The following SORBS2 variants were observed in gnomAD, a reference collection of about 807,000 sequenced individuals.
The protein encoded by SORBS2 is sorbin and SH3 domain-containing protein 2.
SORBS2 carries 46 observed loss-of-function variants against 97.7 expected under a neutral mutation model. The ratio of observed to expected loss-of-function variants is 0.47; its 90% CI spans 0.37 to 0.60. The LOEUF (loss-of-function observed/expected upper bound fraction) is 0.60. Among genes scored for constraint, SORBS2 ranks in the 20% least tolerant of loss-of-function variants. The pLI is 0.00. For synonymous variants in SORBS2, 476 were observed against 473.4 expected (o/e 1.01, Z -0.07); for missense variants, 1,316 against 1,282.3 (o/e 1.03, Z -0.40).
chr4:185,604,513 G>A (rs996446952), intron 12 of SORBS2, among the ~76,000 whole-genome samples: 12 of 152,128 alleles, frequency 7.9e-5, no homozygotes, highest in Non-Finnish European at 1.5e-4. Flanking sequence ...TTGCTCTCCC[G>A]AAGAAAATGA....
chr4:185,692,749 T>A (rs1347545732), intron 2 of SORBS2, among the ~76,000 whole-genome samples: 8 of 152,052 alleles, frequency 5.3e-5, no homozygotes, highest in Non-Finnish European at 8.8e-5. Context: ...ATTTTATATA[T>A]AGATATATAT....
chr4:185,666,088 G>C, intron 4 of SORBS2: 1 of 1,289,824 alleles, frequency 7.8e-7, no homozygotes, highest in Non-Finnish European at 1.0e-6. Flanking sequence ...TGAGAAAGTG[G>C]CTCGGTTCAA....
chr4:185,713,398 A>T (rs769961605), intron 2 of SORBS2, among the ~76,000 whole-genome samples: 2 of 152,094 alleles, frequency 1.3e-5, no homozygotes, highest in Non-Finnish European at 2.9e-5. Context: ...ATCACCTCTC[A>T]TCTTACGTGT....
chr4:185,600,466 G>A (rs1206265589), intron 12 of SORBS2, among the ~76,000 whole-genome samples: 4 of 152,148 alleles, frequency 2.6e-5, no homozygotes, highest in African/African-American at 9.7e-5. Context: ...AGCCTCCCGA[G>A]TAGCTGGGAT....
chr4:185,752,576 C>T (rs888475953), intron 2 of SORBS2, among the ~76,000 whole-genome samples: 1 of 152,180 alleles, frequency 6.6e-6, no homozygotes, highest in Non-Finnish European at 1.5e-5. Flanking sequence ...GTGCCCAGCC[C>T]TGCAGCAGAC....
chr4:185,759,326 G>T (rs1245670865), intron 2 of SORBS2, among the ~76,000 whole-genome samples: 2 of 152,188 alleles, frequency 1.3e-5, no homozygotes, highest in Non-Finnish European at 2.9e-5. Context: ...TTGCCTCAGT[G>T]ATTCTCACAA....
At chr4:185,702,949 A>G (rs1195757939) in intron 2 of SORBS2, among the ~76,000 whole-genome samples, 4 of 152,142 alleles carry the variant, frequency 2.6e-5, no homozygotes, top group African/African-American at 9.7e-5. Flanking sequence ...GCCAATATTT[A>G]ATGACTCATT....
intron 1 of SORBS2, among the ~76,000 whole-genome samples, chr4:185,797,930 A>C (rs1416972181): frequency 3.3e-5 from 5 of 152,218 alleles, no homozygotes; most frequent in Admixed American, 1.3e-4. Flanking sequence ...TAGAAGGGTC[A>C]GTCACACTCT....
intron 1 of SORBS2, among the ~76,000 whole-genome samples, chr4:185,655,009 T>C (rs1002652689): frequency 6.6e-6 from 1 of 152,202 alleles, no homozygotes; most frequent in Non-Finnish European, 1.5e-5. Context: ...AAGTGTTATA[T>C]TGGAAGTAGA....
At chr4:185,952,027 GCTT>G (rs2099277432) in intron 1 of SORBS2, among the ~76,000 whole-genome samples, 1 of 138,246 alleles carries the variant, frequency 7.2e-6, no homozygotes, top group Non-Finnish European at 1.6e-5. Context: ...AGTTAAAATA[GCTT>G]CTTTTTTTTT....
At chr4:185,729,117 C>T (rs1304308708) in intron 2 of SORBS2, among the ~76,000 whole-genome samples, 1 of 152,226 alleles carries the variant, frequency 6.6e-6, no homozygotes. Flanking sequence ...TGTTCATCTT[C>T]CTACAGGAAG....
chr4:185,897,377 C>T (rs951253706), intron 1 of SORBS2, among the ~76,000 whole-genome samples: 2 of 152,174 alleles, frequency 1.3e-5, no homozygotes, highest in Non-Finnish European at 2.9e-5. Context: ...TGCTGGGTGT[C>T]CCCACTCAGT....
chr4:185,947,156 C>T (rs1331230634), intron 1 of SORBS2, among the ~76,000 whole-genome samples: 1 of 152,220 alleles, frequency 6.6e-6, no homozygotes, highest in African/African-American at 2.4e-5. Context: ...CATCCTCTCC[C>T]TACCCCTTAT....
intron 1 of SORBS2, among the ~76,000 whole-genome samples, chr4:185,908,365 GTA>G (rs2099252859): frequency 1.0e-5 from 1 of 97,622 alleles, no homozygotes; most frequent in Non-Finnish European, 2.0e-5. Context: ...ATATATACAT[GTA>G]TATATATGTT....
upstream of SORBS2, among the ~76,000 whole-genome samples, chr4:185,661,862 T>A (rs139943766): frequency 7.8e-3 from 1,192 of 152,288 alleles, 7 homozygotes; most frequent in Non-Finnish European, 0.013. Context: ...TTTTTCTTTC[T>A]ACTCCACCAC....
At chr4:185,595,264 T>C (rs761434176) in intron 12 of SORBS2, among the ~76,000 whole-genome samples, 6 of 152,188 alleles carry the variant, frequency 3.9e-5, no homozygotes, top group Non-Finnish European at 8.8e-5. Flanking sequence ...GGATAGAATA[T>C]TTAAAACTAG....
At chr4:185,821,608 G>C (rs1370851831) in intron 1 of SORBS2, among the ~76,000 whole-genome samples, 1 of 151,948 alleles carries the variant, frequency 6.6e-6, no homozygotes, top group Non-Finnish European at 1.5e-5. Flanking sequence ...ATTTTTAGTA[G>C]AGACGGGGTT....
intron 1 of SORBS2, among the ~76,000 whole-genome samples, chr4:185,906,831 A>G (rs2099251148): frequency 6.6e-6 from 1 of 152,226 alleles, no homozygotes; most frequent in Non-Finnish European, 1.5e-5. Context: ...TTAGGGAGGA[A>G]TTATTGGGAA....
At chr4:185,752,498 G>C (rs1474608160) in intron 2 of SORBS2, among the ~76,000 whole-genome samples, 1 of 152,038 alleles carries the variant, frequency 6.6e-6, no homozygotes, top group African/African-American at 2.4e-5. Flanking sequence ...GGATGGTCTC[G>C]ATCTCCTGAC....
Sources: allele counts gnomAD v4.1 joint callset (sites outside exome capture counted in the v4.1 genomes callset), GRCh38; gene constraint gnomAD v4.1.1; transcripts MANE v1.5; gene names NCBI Gene and HGNC (gene_info 2026-07-23, HGNC 2026-07-21).